The following UPP1 variants were observed in gnomAD, a reference collection of about 807,000 sequenced individuals.
The protein encoded by UPP1 is uridine phosphorylase 1.
UPP1 carries 25 observed loss-of-function variants against 29.6 expected under a neutral mutation model. The observed-to-expected ratio is 0.85, with a 90% CI of 0.62 to 1.18. The LOEUF (loss-of-function observed/expected upper bound fraction) is 1.18, where lower values mean the gene tolerates loss of function less well. UPP1 is among the 50% of genes most tolerant of loss of function. The pLI, the probability that UPP1 is intolerant of heterozygous loss-of-function variation, is 0.00. For synonymous variants in UPP1, 165 were observed against 159.8 expected (o/e 1.03, Z -0.25); for missense variants, 368 against 410.4 (o/e 0.90, Z 0.89).
intron 6 of UPP1, chr7:48,106,572 A>G (rs149757934): frequency 3.0e-6 from 1 of 328,136 alleles, no homozygotes; most frequent in South Asian, 2.9e-5. Flanking sequence ...TGGCCTCCCA[A>G]AGTGCTTGGG....
rs1792791414 is a variant in UPP1, at chr7:48,107,046, G to A, written c.610G>A (p.Val204Met). ...SAELSEFTTV[V>M]GNTMCTLDFY... ...AGAGCTGAGCGAGTTCACCACAGTG[G>A]TGGGGAACACCATGTGCACCTTGGA... is the stretch of plus-strand genomic sequence containing the variant. The change falls in exon 7 of 9, where the codon GTG becomes ATG. Residue 204 changes from valine (V) to methionine (M), a missense_variant. By Grantham distance (21) the Val-to-Met change is conservative (BLOSUM62 1). Transcript: ENST00000395564. The A allele has an allele frequency of 2.5e-6, 4 of 1,612,202 alleles. No individual in the cohort carries two copies. The African/African-American group carries it at 4.0e-5, about 16-fold the overall frequency.
intron 3 of UPP1, among the ~76,000 whole-genome samples, chr7:48,097,817 G>A (rs1216872481): frequency 6.6e-6 from 1 of 152,104 alleles, no homozygotes; most frequent in Non-Finnish European, 1.5e-5. Flanking sequence ...TGTGCAGATC[G>A]TCAGAATTTC....
chr7:48,099,083 T>C (rs966402969), intron 3 of UPP1, among the ~76,000 whole-genome samples: 5 of 152,244 alleles, frequency 3.3e-5, no homozygotes, highest in Non-Finnish European at 7.3e-5. Context: ...ATGCTTGCTC[T>C]AGACCAGCAT....
chr7:48,106,974 A>ACGGACCTT lies in UPP1; in HGVS notation c.539_546dup (p.Asn183ArgfsTer18). 6 of 1,613,244 alleles carry ACGGACCTT rather than the reference A, an allele frequency of 3.7e-6. No individual in the cohort carries two copies. The highest frequency in any genetic ancestry group is 5.1e-6 in the Non-Finnish European group (6 of 1,179,988). ...CCTGGGGAAGCGGGTCATCCGGAAAACGGACCTTAACAAGAAGCTGGTGCA... is the reference window on the plus strand; with the variant it reads ...CCTGGGGAAGCGGGTCATCCGGAAAACGGACCTTCGGACCTTAACAAGAAGCTGGTGCA... On this transcript the variant is annotated frameshift_variant, in exon 7 of 9. Coordinates refer to ENST00000395564, the MANE Select transcript of UPP1 (RefSeq NM_003364.4). LOFTEE classifies it high-confidence loss of function.
intron 5 of UPP1, 31 bp downstream of exon 5, chr7:48,102,013 T>C (rs1180067171): frequency 1.2e-6 from 2 of 1,603,396 alleles, no homozygotes; most frequent in Non-Finnish European, 1.7e-6. Context: ...GTGCTCAGTC[T>C]CTAGGCTCTG....
intron 2 of UPP1, among the ~76,000 whole-genome samples, chr7:48,092,019 G>C (rs1303989668): frequency 6.6e-6 from 1 of 152,080 alleles, no homozygotes; most frequent in Admixed American, 6.5e-5. Context: ...AGAGCTTTCC[G>C]GGGGCCACTC....
intron 6 of UPP1, chr7:48,103,685 T>A (rs1792559391): frequency 1.7e-6 from 2 of 1,200,906 alleles, no homozygotes; most frequent in Non-Finnish European, 2.2e-6. Context: ...AATTTGTGCC[T>A]TCTTGTCTGC....
At position 48,108,269 on chromosome 7, in the gene UPP1, G is replaced by A. The variant is rs904263504; in HGVS notation, c.845G>A (p.Ser282Asn). 1.2e-6 allele frequency: 2 copies of A among 1,613,956 alleles called. No homozygotes were observed. The highest frequency in any genetic ancestry group is 1.7e-6 in the Non-Finnish European group (2 of 1,180,042). ...LLNRLEGDQI[S>N]SPRNVLSEYQ... ...AACCGCCTGGAAGGGGACCAGATCA[G>A]CAGCCCTCGCAATGTGCTCAGCGAG... is the stretch of plus-strand genomic sequence containing the variant. Residue 282 changes from serine to asparagine, a missense_variant, in exon 9 of 9, where the codon AGC becomes AAC. By Grantham distance (46) the Ser-to-Asn change is conservative. Coordinates refer to ENST00000395564, the MANE Select transcript of UPP1 (RefSeq NM_003364.4).
intron 3 of UPP1, among the ~76,000 whole-genome samples, chr7:48,099,275 A>T (rs1792288615): frequency 6.6e-6 from 1 of 152,216 alleles, no homozygotes; most frequent in Admixed American, 6.5e-5. Flanking sequence ...ATTTCTGTTC[A>T]TATTTCCTAT....
intron 2 of UPP1, among the ~76,000 whole-genome samples, chr7:48,092,499 GC>G: frequency 6.6e-6 from 1 of 151,990 alleles, no homozygotes; most frequent in South Asian, 2.1e-4. Context: ...CCTTCATTTG[GC>G]CCCTGGTGAA....
At chr7:48,090,669 G>A (rs1196726263) in intron 2 of UPP1, among the ~76,000 whole-genome samples, 5 of 152,126 alleles carry the variant, frequency 3.3e-5, no homozygotes, top group African/African-American at 7.2e-5. Flanking sequence ...TTCTACAAGC[G>A]CTGCTGAGCC....
chr7:48,098,406 G>T (rs1467257939), intron 3 of UPP1, among the ~76,000 whole-genome samples: 2 of 152,156 alleles, frequency 1.3e-5, no homozygotes, highest in Non-Finnish European at 2.9e-5. Context: ...TCTCAACCTT[G>T]TTTTTCTTGT....
Position 48,108,659 on chromosome 7 carries a change from T to G in UPP1, c.*302T>G, listed in dbSNP as rs2128819677. On this transcript the variant is annotated 3_prime_UTR_variant, in exon 9 of 9. Coordinates refer to ENST00000395564, the MANE Select transcript of UPP1 (RefSeq NM_003364.4). The stretch of plus-strand genomic sequence containing the variant: ...TTAAAATTCTAATGGTAGTCAGATT[T>G]CATGTCACTAAACAAGAAATCTGAC... 1 of 236,236 alleles carries G rather than the reference T, an allele frequency of 4.2e-6. No individual in the cohort carries two copies. The highest frequency in any genetic ancestry group is 1.3e-3 in the Middle Eastern group (1 of 768). 14.6% of individuals were successfully genotyped at this position (236,236 alleles called of 1,614,324 possible).
At chr7:48,094,000 AAAT>A (rs1290190133) in intron 2 of UPP1, among the ~76,000 whole-genome samples, 3 of 152,142 alleles carry the variant, frequency 2.0e-5, no homozygotes, top group African/African-American at 7.2e-5. Flanking sequence ...TCTCTACTAA[AAAT>A]ACAAAAATTA....
chr7:48,093,708 T>C (rs968222581), intron 2 of UPP1, among the ~76,000 whole-genome samples: 4 of 152,228 alleles, frequency 2.6e-5, no homozygotes, highest in Admixed American at 2.6e-4. Flanking sequence ...TCATGGGACT[T>C]TGCAGTGGAG....
intron 3 of UPP1, among the ~76,000 whole-genome samples, chr7:48,096,730 C>T (rs56033062): frequency 0.03 from 4,573 of 152,184 alleles, 236 homozygotes; most frequent in African/African-American, 0.11. Flanking sequence ...GACAGGGTTT[C>T]GCCCTTTTAC....
Position 48,101,730 on chromosome 7 carries a change from A to T in UPP1, c.163-94A>T, listed in dbSNP as rs960003545. The stretch of plus-strand genomic sequence containing the variant: ...GTGAACTTATATTTTTAGCAAGTTC[A>T]TTGGTAATACTGATGTTGCTGGTCT... On this transcript the variant is annotated intron_variant, in intron 4 of 8. Coordinates refer to ENST00000395564, the MANE Select transcript of UPP1 (RefSeq NM_003364.4). 5.1e-6 allele frequency: 7 copies of T among 1,365,958 alleles called. No homozygotes were observed. In the African/African-American group the frequency reaches 5.9e-5, roughly 11 times the overall value. The allele number at this position is 1,365,958 out of a possible 1,614,324, so 84.6% of individuals were successfully genotyped here.
At chr7:48,107,698 C>G (rs1261940590) in intron 8 of UPP1, among the ~76,000 whole-genome samples, 191 bp downstream of exon 8, 1 of 152,202 alleles carries the variant, frequency 6.6e-6, no homozygotes, top group Admixed American at 6.5e-5. Flanking sequence ...CTGTCACACC[C>G]TGACAAAATG....
In UPP1 at chr7:48,099,670, T is replaced by C; in HGVS notation, c.45T>C (p.Asn15=). 6.2e-7 allele frequency: 1 copy of C among 1,605,086 alleles called. No homozygotes were observed. The change falls in exon 4 of 9, where the codon AAT becomes AAC. Residue 15 remains asparagine (N), a splice_region_variant and synonymous_variant. Coordinates refer to ENST00000395564, the MANE Select transcript of UPP1 (RefSeq NM_003364.4). ...GANAEKAESH[N]DCPVRLLNPN... The stretch of plus-strand genomic sequence containing the variant: ...CTTCCACTTTCTTGTTTTTTAACAG[T>C]GATTGCCCCGTCAGACTTTTAAATC...
Sources: gnomAD v4.1 joint callset for allele counts (sites outside exome capture counted in the v4.1 genomes callset) on GRCh38, gnomAD v4.1.1 for gene constraint, MANE v1.5 for transcripts, NCBI Gene and HGNC (gene_info 2026-07-23, HGNC 2026-07-21) for gene names.